The following PRKCE variants were observed in gnomAD, a reference collection of about 807,000 sequenced individuals.
The protein encoded by PRKCE is protein kinase C epsilon type.
PRKCE carries 16 observed loss-of-function variants against 85.4 expected under a neutral mutation model. The ratio of observed to expected loss-of-function variants is 0.19; its 90% CI spans 0.13 to 0.28. The LOEUF (loss-of-function observed/expected upper bound fraction) is 0.28, where lower values mean the gene tolerates loss of function less well. PRKCE is among the 10% of genes least tolerant of loss of function. The pLI is 1.00. For missense variants in PRKCE, 573 were observed against 975.2 expected (o/e 0.59, Z 5.49); for synonymous variants, 388 against 371.5 (o/e 1.04, Z -0.51).
intron 11 of PRKCE, among the ~76,000 whole-genome samples, chr2:46,130,112 C>T (rs1424084803): frequency 6.6e-6 from 1 of 152,054 alleles, no homozygotes; most frequent in African/African-American, 2.4e-5. Context: ...CTTAAGGTTT[C>T]AGGTATAATT....
At chr2:45,738,622 T>C (rs572233271) in intron 1 of PRKCE, among the ~76,000 whole-genome samples, 1 of 152,358 alleles carries the variant, frequency 6.6e-6, no homozygotes, top group Admixed American at 6.5e-5. Flanking sequence ...GTTCTCAGTA[T>C]TGGCTGAATT....
intron 2 of PRKCE, among the ~76,000 whole-genome samples, chr2:45,972,342 T>A (rs1702164626): frequency 1.3e-5 from 2 of 152,180 alleles, no homozygotes; most frequent in Admixed American, 1.3e-4. Flanking sequence ...ATTGTGGGAG[T>A]TTCTTATGTA....
At chr2:46,136,537 G>A (rs369142871) in intron 11 of PRKCE, among the ~76,000 whole-genome samples, 1 of 152,244 alleles carries the variant, frequency 6.6e-6, no homozygotes, top group South Asian at 2.1e-4. Context: ...CCCTAGCCTT[G>A]TTTACTCACC....
intron 10 of PRKCE, among the ~76,000 whole-genome samples, chr2:46,079,900 T>C (rs900864927): frequency 2.0e-5 from 3 of 152,218 alleles, no homozygotes; most frequent in African/African-American, 7.2e-5. Context: ...CAGTAGGTCA[T>C]TATGAACTAT....
chr2:46,146,671 C>T (rs1676100573), intron 12 of PRKCE, among the ~76,000 whole-genome samples: 1 of 152,150 alleles, frequency 6.6e-6, no homozygotes, highest in African/African-American at 2.4e-5. Context: ...GCCCTGGATC[C>T]TTTGAGGGCA....
intron 1 of PRKCE, among the ~76,000 whole-genome samples, chr2:45,750,089 C>T (rs1275126254): frequency 1.3e-5 from 2 of 152,224 alleles, no homozygotes; most frequent in Non-Finnish European, 2.9e-5. Flanking sequence ...CTTTGTTCTA[C>T]ACCCAAAGGG....
intron 1 of PRKCE, among the ~76,000 whole-genome samples, chr2:45,802,732 GCTTTT>G (rs1687963593): frequency 6.6e-6 from 1 of 152,228 alleles, no homozygotes; most frequent in Non-Finnish European, 1.5e-5. Flanking sequence ...ATACACATGA[GCTTTT>G]CTTTTGTTCT....
chr2:46,096,536 T>A (rs1448218), intron 11 of PRKCE, among the ~76,000 whole-genome samples: 68,273 of 151,970 alleles, frequency 0.45, 16,221 homozygotes, highest in Non-Finnish European at 0.52. Context: ...GATGTCCTTA[T>A]AAGAAGAGGA....
chr2:46,017,412 T>C (rs953913260), intron 10 of PRKCE, among the ~76,000 whole-genome samples: 1 of 152,264 alleles, frequency 6.6e-6, no homozygotes, highest in Non-Finnish European at 1.5e-5. Context: ...GGCCAAATAC[T>C]ATTCTATCAT....
chr2:45,680,015 T>C (rs529014888), intron 1 of PRKCE, among the ~76,000 whole-genome samples: 1 of 152,264 alleles, frequency 6.6e-6, no homozygotes, highest in East Asian at 1.9e-4. Flanking sequence ...AGTAGAGCAT[T>C]TGAGGGAGAT....
At chr2:45,676,477 T>C (rs1433350141) in intron 1 of PRKCE, among the ~76,000 whole-genome samples, 2 of 152,256 alleles carry the variant, frequency 1.3e-5, no homozygotes, top group African/African-American at 2.4e-5. Flanking sequence ...AAGGATTATA[T>C]TTTTGCATTA....
At chr2:45,728,403 C>A (rs965604410) in intron 1 of PRKCE, among the ~76,000 whole-genome samples, 2 of 152,190 alleles carry the variant, frequency 1.3e-5, no homozygotes, top group African/African-American at 4.8e-5. Flanking sequence ...CTAAGCAATG[C>A]CATTTCACTG....
At chr2:45,802,270 A>G (rs1396791185) in intron 1 of PRKCE, among the ~76,000 whole-genome samples, 2 of 152,106 alleles carry the variant, frequency 1.3e-5, no homozygotes, top group Non-Finnish European at 2.9e-5. Flanking sequence ...TTCATACATG[A>G]GTAAATAAAT....
chr2:46,063,583 T>A (rs1667348825), intron 10 of PRKCE, among the ~76,000 whole-genome samples: 1 of 152,180 alleles, frequency 6.6e-6, no homozygotes. Context: ...GAAAAAGCTA[T>A]TTGAGGCTCT....
Position 46,184,885 on chromosome 2 carries a change from C to G in PRKCE, c.*4C>G. The G allele has an allele frequency of 6.3e-7, 1 of 1,599,650 alleles. No homozygotes were observed. Among genetic ancestry groups the G allele is most frequent in the Non-Finnish European group, 8.5e-7 (1 of 1,179,882 alleles). On this transcript the variant is annotated 3_prime_UTR_variant, in exon 15 of 15. Transcript: ENST00000306156. This position sits in a 1 kb window ranked among gnomAD's most constrained non-coding sequence, Gnocchi z 5.0. ...TGGTGAAGACCTGATGCCCTGAGAGCCCACTGCAGTTGGACTTTGCCGATG... is the reference window on the plus strand; with the variant it reads ...TGGTGAAGACCTGATGCCCTGAGAGGCCACTGCAGTTGGACTTTGCCGATG...
chr2:45,728,864 G>A (rs1258644247), intron 1 of PRKCE, among the ~76,000 whole-genome samples: 1 of 152,214 alleles, frequency 6.6e-6, no homozygotes, highest in Non-Finnish European at 1.5e-5. Flanking sequence ...GTTGAGTAAT[G>A]TGTTTAGAGT....
intron 2 of PRKCE, among the ~76,000 whole-genome samples, chr2:45,916,346 C>T (rs1401024172): frequency 6.6e-6 from 1 of 150,874 alleles, no homozygotes; most frequent in African/African-American, 2.4e-5. Context: ...CTCAAGCAAT[C>T]ATCCCATCTC....
intron 1 of PRKCE, among the ~76,000 whole-genome samples, chr2:45,677,514 GC>G (rs1394998371): frequency 6.6e-6 from 1 of 151,944 alleles, no homozygotes; most frequent in Non-Finnish European, 1.5e-5. Flanking sequence ...CCGCCACCGC[GC>G]CCGGCTAATT....
At chr2:46,153,737 GTCCTCCTCTTCCTCTTCT>G (rs1274059894) in intron 13 of PRKCE, among the ~76,000 whole-genome samples, 1 of 149,934 alleles carries the variant, frequency 6.7e-6, no homozygotes, top group African/African-American at 2.5e-5. Flanking sequence ...CTTCTTCTTC[GTCCTCCTCTTCCTCTTCT>G]TCCTCCTCTT....
Sources: gnomAD v4.1 joint callset for allele counts (sites outside exome capture counted in the v4.1 genomes callset) on GRCh38, gnomAD v4.1.1 for gene constraint, Gnocchi (gnomAD v3.1) non-coding constraint, MANE v1.5 for transcripts, NCBI Gene and HGNC (gene_info 2026-07-23, HGNC 2026-07-21) for gene names.